The following MNAT1 variants were observed in gnomAD, a reference collection of about 807,000 sequenced individuals.
The protein encoded by MNAT1 is MNAT1 component of CDK activating kinase.
Under a neutral mutation model 42.0 loss-of-function variants are expected in MNAT1, and 43 were observed. The observed-to-expected ratio is 1.02, with a 90% CI of 0.80 to 1.32. The LOEUF is 1.32. MNAT1 is among the 40% of genes most tolerant of loss of function. The probability of loss-of-function intolerance (pLI) is 0.00; values close to 1 mark genes in which losing one functional copy is unlikely to be tolerated. For synonymous variants in MNAT1, 118 were observed against 120.0 expected (o/e 0.98, Z 0.11); for missense variants, 306 against 350.4 (o/e 0.87, Z 1.01).
At chr14:60,885,349 C>G (rs548334586) in intron 7 of MNAT1, among the ~76,000 whole-genome samples, 2 of 151,934 alleles carry the variant, frequency 1.3e-5, no homozygotes, top group African/African-American at 4.8e-5. Flanking sequence ...AGGCTATTTT[C>G]TAGATCTTTT....
chr14:60,875,155 T>G (rs2034410076), intron 6 of MNAT1, among the ~76,000 whole-genome samples: 1 of 152,154 alleles, frequency 6.6e-6, no homozygotes, highest in Non-Finnish European at 1.5e-5. Context: ...GCCTATGGTA[T>G]TTTATGTACC....
At chr14:60,964,140 A>G (rs542404706) in intron 7 of MNAT1, among the ~76,000 whole-genome samples, 1 of 152,352 alleles carries the variant, frequency 6.6e-6, no homozygotes, top group Non-Finnish European at 1.5e-5. Context: ...CTAAGTGTAA[A>G]TTATTCCACT....
chr14:60,923,674 TCCC>T (rs2035707169), intron 7 of MNAT1, among the ~76,000 whole-genome samples: 1 of 152,100 alleles, frequency 6.6e-6, no homozygotes, highest in Non-Finnish European at 1.5e-5. Flanking sequence ...TAGCAAAAAA[TCCC>T]TGGATTAACG....
chr14:60,767,746 G>A (rs578099339), intron 1 of MNAT1, among the ~76,000 whole-genome samples: 6 of 146,608 alleles, frequency 4.1e-5, no homozygotes, highest in South Asian at 4.5e-4. Flanking sequence ...GATTACAGGC[G>A]CATGCCACCA....
intron 6 of MNAT1, among the ~76,000 whole-genome samples, chr14:60,831,884 A>T (rs142314323): frequency 6.6e-6 from 1 of 152,122 alleles, no homozygotes. Flanking sequence ...CTGGCATGAG[A>T]TGGTATCTCA....
At chr14:60,814,537 A>T (rs866964355) in intron 5 of MNAT1, among the ~76,000 whole-genome samples, 1 of 152,026 alleles carries the variant, frequency 6.6e-6, no homozygotes, top group Non-Finnish European at 1.5e-5. Flanking sequence ...TCTAGTTGAT[A>T]ATGCTATTAT....
chr14:60,800,178 A>C (rs530994964), intron 3 of MNAT1, among the ~76,000 whole-genome samples: 101 of 146,310 alleles, frequency 6.9e-4, no homozygotes, highest in Non-Finnish European at 1.3e-3. Context: ...TTAAATATTT[A>C]AAGTGTGTAA....
At chr14:60,858,881 A>C (rs937342575) in intron 6 of MNAT1, among the ~76,000 whole-genome samples, 1 of 152,228 alleles carries the variant, frequency 6.6e-6, no homozygotes, top group African/African-American at 2.4e-5. Flanking sequence ...TTGCACACTT[A>C]CTAGACTATA....
chr14:60,804,639 C>T (rs926076461), intron 3 of MNAT1, among the ~76,000 whole-genome samples: 10 of 152,124 alleles, frequency 6.6e-5, no homozygotes, highest in Non-Finnish European at 1.0e-4. Context: ...GATCCTCCTG[C>T]CTCTACCTCC....
chr14:60,827,700 C>G (rs1258185390), intron 6 of MNAT1, among the ~76,000 whole-genome samples: 1 of 152,058 alleles, frequency 6.6e-6, no homozygotes, highest in Non-Finnish European at 1.5e-5. Context: ...AAGTCATGTG[C>G]CCTTTCTCAA....
intron 1 of MNAT1, among the ~76,000 whole-genome samples, chr14:60,749,926 G>GT (rs2029997919): frequency 6.6e-6 from 1 of 152,142 alleles, no homozygotes; most frequent in Admixed American, 6.5e-5. Flanking sequence ...ACTAATAAAC[G>GT]TATTTGCAGT....
intron 7 of MNAT1, among the ~76,000 whole-genome samples, chr14:60,884,202 G>T (rs998942147): frequency 7.2e-5 from 11 of 151,988 alleles, no homozygotes; most frequent in South Asian, 2.1e-4. Flanking sequence ...CTGCAGGTCT[G>T]TTATATATGG....
intron 1 of MNAT1, among the ~76,000 whole-genome samples, chr14:60,745,663 C>A (rs1489428073): frequency 1.3e-5 from 2 of 152,146 alleles, no homozygotes; most frequent in African/African-American, 2.4e-5. Flanking sequence ...GAGATCTGCC[C>A]ACCTTGGCCT....
intron 7 of MNAT1, among the ~76,000 whole-genome samples, chr14:60,908,572 G>A (rs2035269488): frequency 6.6e-6 from 1 of 151,906 alleles, no homozygotes; most frequent in South Asian, 2.1e-4. Flanking sequence ...AACATGCGGT[G>A]TTTGGTTTTT....
chr14:60,901,298 A>G (rs1380883705), intron 7 of MNAT1, among the ~76,000 whole-genome samples: 1 of 152,202 alleles, frequency 6.6e-6, no homozygotes, highest in Admixed American at 6.5e-5. Context: ...TTCGGAAAAA[A>G]GAGATTTCTT....
intron 7 of MNAT1, among the ~76,000 whole-genome samples, chr14:60,961,879 G>A (rs2036600719): frequency 6.6e-6 from 1 of 152,086 alleles, no homozygotes; most frequent in Non-Finnish European, 1.5e-5. Context: ...TTACTAACAT[G>A]GAATTTCTAG....
intron 7 of MNAT1, among the ~76,000 whole-genome samples, chr14:60,953,503 T>G (rs1022328870): frequency 5.9e-5 from 9 of 152,088 alleles, no homozygotes; most frequent in Admixed American, 2.6e-4. Context: ...CTTTGGAAAT[T>G]TGGGCTATGG....
intron 3 of MNAT1, among the ~76,000 whole-genome samples, chr14:60,805,171 A>C (rs2032328213): frequency 6.6e-6 from 1 of 152,136 alleles, no homozygotes; most frequent in South Asian, 2.1e-4. Context: ...TCTCATGATA[A>C]TTCAACAAGT....
chr14:60,782,182 A>G (rs2031486887), intron 1 of MNAT1, among the ~76,000 whole-genome samples: 1 of 152,076 alleles, frequency 6.6e-6, no homozygotes, highest in Non-Finnish European at 1.5e-5. Context: ...TAGAACTTTC[A>G]TGAAGTTTTA....
Sources: allele counts gnomAD v4.1 joint callset (sites outside exome capture counted in the v4.1 genomes callset), GRCh38; gene constraint gnomAD v4.1.1; transcripts MANE v1.5; gene names NCBI Gene and HGNC (gene_info 2026-07-23, HGNC 2026-07-21).